The following RBL2 variants were observed in gnomAD, a reference collection of about 807,000 sequenced individuals.
The protein encoded by RBL2 is retinoblastoma-like protein 2.
A neutral mutation model predicts 126.0 loss-of-function variants in RBL2; 56 were observed. The observed-to-expected ratio is 0.44, with a 90% CI of 0.36 to 0.56. RBL2 has a LOEUF of 0.56. Among genes scored for constraint, RBL2 ranks in the 20% least tolerant of loss-of-function variants. The pLI is 0.00. For synonymous variants in RBL2, 454 were observed against 478.5 expected, an observed-to-expected ratio of 0.95 and a Z score of 0.67; for missense variants, 1,229 against 1,398.2, an observed-to-expected ratio of 0.88 and a Z score of 1.93.
chr16:53,491,156 A>T lies in RBL2; in HGVS notation c.*856A>T, dbSNP rs190906472. 8.6e-4 allele frequency: 131 copies of T among 152,548 alleles called. No individual in the cohort carries two copies. Among genetic ancestry groups the T allele is most frequent in the Non-Finnish European group, 3.5e-4 (24 of 68,036 alleles). 9.4% of individuals were successfully genotyped at this position (152,548 alleles called of 1,614,324 possible). On this transcript the variant is annotated 3_prime_UTR_variant, in exon 22 of 22. Coordinates refer to ENST00000262133, the MANE Select transcript of RBL2 (RefSeq NM_005611.4). ...GTTTTTTGTTATATAGGGATCAACC[A>T]GCTAAGAAAAGATTTTAATCAAGTT...
intron 21 of RBL2, among the ~76,000 whole-genome samples, chr16:53,485,612 T>C (rs1410725313): frequency 6.6e-6 from 1 of 152,068 alleles, no homozygotes; most frequent in Non-Finnish European, 1.5e-5. Flanking sequence ...CTCAGCACTT[T>C]GGGAGGCTGA....
intron 4 of RBL2, among the ~76,000 whole-genome samples, chr16:53,450,427 T>C (rs902517593): frequency 1.3e-5 from 2 of 152,178 alleles, no homozygotes; most frequent in South Asian, 2.1e-4. Flanking sequence ...TTCATATGTA[T>C]GTTAGCTATT....
chr16:53,491,620 G>A lies in RBL2; in HGVS notation c.*1320G>A, dbSNP rs1961467325. 1 of 152,570 alleles carries A rather than the reference G, an allele frequency of 6.6e-6. No homozygotes were observed. The highest frequency in any genetic ancestry group is 2.1e-4 in the South Asian group (1 of 4,834). The allele number at this position is 152,570 out of a possible 1,614,324, so 9.5% of individuals were successfully genotyped here. A position where few individuals can be genotyped will look rare whatever the true frequency, so the allele number is the denominator to read the frequency against. ...ACTGTAATTTTATATGAAGATAAGT[G>A]TATTTTTCAATAAAGCATTTATAAA... is the stretch of plus-strand genomic sequence containing the variant. On this transcript the variant is annotated 3_prime_UTR_variant, in exon 22 of 22. Transcript: ENST00000262133.
chr16:53,479,244 T>C lies in RBL2; in HGVS notation c.2775+19T>C, dbSNP rs1960849151. The C allele has an allele frequency of 1.3e-6, 2 of 1,596,700 alleles. No homozygotes were observed. Among genetic ancestry groups the C allele is most frequent in the Non-Finnish European group, 1.7e-6 (2 of 1,164,262 alleles). ...GAGCCAGGTAACTACATTTTCTCTA[T>C]GGGCTGAAAAATAAAGCTTAAAGTC... is the stretch of plus-strand genomic sequence containing the variant. On this transcript the variant is annotated intron_variant, in intron 18 of 21. Coordinates refer to ENST00000262133, the MANE Select transcript of RBL2 (RefSeq NM_005611.4).
intron 5 of RBL2, among the ~76,000 whole-genome samples, chr16:53,452,035 A>C (rs75138965): frequency 0.013 from 1,950 of 152,338 alleles, 51 homozygotes; most frequent in African/African-American, 0.044. Flanking sequence ...TAAAGTCTTA[A>C]ATGACAACTT....
chr16:53,434,751 G>A lies in RBL2; in HGVS notation c.195G>A (p.Glu65=). ...RLNMDEAARA[E]AWDSYRSMSE... is the part of the protein sequence containing the mutation. ...ACATGGACGAGGCGGCGCGGGCCGA[G>A]GCCTGGGACAGCTACCGCAGCATGA... The change falls in exon 1 of 22, where the codon GAG becomes GAA. Residue 65 remains glutamate, a synonymous_variant. Coordinates refer to ENST00000262133, the MANE Select transcript of RBL2 (RefSeq NM_005611.4). The A allele has an allele frequency of 4.5e-6, 7 of 1,541,742 alleles. No individual in the cohort carries two copies. The highest frequency in any genetic ancestry group is 4.3e-6 in the Non-Finnish European group (5 of 1,151,124).
intron 4 of RBL2, 52 bp downstream of exon 4, chr16:53,447,158 A>C: frequency 9.5e-7 from 1 of 1,054,950 alleles, no homozygotes; most frequent in Non-Finnish European, 1.4e-6. Context: ...TTACATTTTC[A>C]GGTATTAATT....
chr16:53,459,750 G>T, intron 9 of RBL2, 133 bp downstream of exon 9: 1 of 800,154 alleles, frequency 1.2e-6, no homozygotes, highest in South Asian at 2.5e-5. Flanking sequence ...CCTGTTGTGA[G>T]TCTATAGAGG....
At chr16:53,441,895 A>ACTGCAACCTCCGCCTCC (rs2058019880) in intron 2 of RBL2, among the ~76,000 whole-genome samples, 3 of 152,144 alleles carry the variant, frequency 2.0e-5, no homozygotes, top group African/African-American at 7.2e-5. Flanking sequence ...ATCTCGGCTC[A>ACTGCAACCTCCGCCTCC]CTGCAACCTC....
In RBL2 at chr16:53,470,500, G is replaced by A; in HGVS notation, c.2363G>A (p.Ser788Asn). Residue 788 changes from serine to asparagine, a missense_variant, in exon 16 of 22, where the codon AGT becomes AAT. By Grantham distance (46) the Ser-to-Asn change is conservative. Around this residue, in one of 2 missense-constraint regions of RBL2, gnomAD observed 1,070 missense variants for 1,274.3 expected, o/e 0.84. Transcript: ENST00000262133. ...CTCAGTGCTCAGGCCCTGGCTGGAA[G>A]TCTGAGCTCTCAACAGGTGACAGGA... ...QPLSAQALAG[S>N]LSSQQVTGTT... 1 of 1,614,194 alleles carries A rather than the reference G, an allele frequency of 6.2e-7. No homozygotes were observed. The highest frequency in any genetic ancestry group is 8.5e-7 in the Non-Finnish European group (1 of 1,180,046).
intron 8 of RBL2, among the ~76,000 whole-genome samples, chr16:53,455,130 CT>C (rs2058154961): frequency 6.6e-6 from 1 of 152,150 alleles, no homozygotes; most frequent in Non-Finnish European, 1.5e-5. Flanking sequence ...AATATATGGT[CT>C]TATATGTAGT....
chr16:53,454,875 C>T (rs1390928369), intron 8 of RBL2, 33 bp downstream of exon 8: 1 of 1,526,426 alleles, frequency 6.6e-7, no homozygotes, highest in Non-Finnish European at 8.8e-7. Context: ...AGTAGAAATA[C>T]AGGAGCAGGT....
chr16:53,474,378 G>A (rs1335812348), intron 17 of RBL2, among the ~76,000 whole-genome samples: 4 of 151,898 alleles, frequency 2.6e-5, no homozygotes, highest in Non-Finnish European at 4.4e-5. Context: ...GTGCAGTGGC[G>A]AGATCTTGGC....
chr16:53,438,869 AAAAG>A (rs2057984964), intron 1 of RBL2, 143 bp from the exon 2 acceptor site: 1 of 330,668 alleles, frequency 3.0e-6, no homozygotes, highest in South Asian at 8.7e-5. Flanking sequence ...AAAAAAAAAA[AAAAG>A]AGCGTATGAG....
intron 17 of RBL2, among the ~76,000 whole-genome samples, chr16:53,478,199 T>C (rs1014458836): frequency 1.3e-5 from 2 of 152,140 alleles, no homozygotes; most frequent in African/African-American, 4.8e-5. Context: ...GAAGTCAAAT[T>C]TTATTTTATT....
chr16:53,451,531 T>C (rs544907656), intron 4 of RBL2, among the ~76,000 whole-genome samples, 172 bp from the exon 5 acceptor site: 1 of 152,248 alleles, frequency 6.6e-6, no homozygotes, highest in East Asian at 1.9e-4. Flanking sequence ...TAAAGAAATT[T>C]ATTAAGATAT....
At chr16:53,464,049 A>C (rs926956531) in intron 11 of RBL2, among the ~76,000 whole-genome samples, 177 bp from the exon 12 acceptor site, 1 of 152,136 alleles carries the variant, frequency 6.6e-6, no homozygotes, top group Non-Finnish European at 1.5e-5. Context: ...TATTTCCTCT[A>C]CTAAAAAATG....
chr16:53,437,234 T>G (rs2057967339), intron 1 of RBL2, among the ~76,000 whole-genome samples: 1 of 152,086 alleles, frequency 6.6e-6, no homozygotes, highest in South Asian at 2.1e-4. Context: ...GCATCTAAAT[T>G]TGCTTTTACA....
At chr16:53,444,364 C>G (rs2058042604) in intron 3 of RBL2, among the ~76,000 whole-genome samples, 1 of 151,468 alleles carries the variant, frequency 6.6e-6, no homozygotes, top group African/African-American at 2.4e-5. Flanking sequence ...ACCAGCCTGG[C>G]CAACGTGGCG....
Sources: gnomAD v4.1 joint callset for allele counts (sites outside exome capture counted in the v4.1 genomes callset) on GRCh38, gnomAD v4.1.1 for gene constraint, gnomAD v4.1.1 regional missense constraint, MANE v1.5 for transcripts, NCBI Gene and HGNC (gene_info 2026-07-23, HGNC 2026-07-21) for gene names.